SUGCT: variants seen among roughly 807,000 people sequenced by gnomAD.
The protein encoded by SUGCT is succinyl-CoA:glutarate CoA-transferase.
Under a neutral mutation model 55.0 loss-of-function variants are expected in SUGCT, and 41 were observed. The ratio of observed to expected loss-of-function variants is 0.74; its 90% CI spans 0.58 to 0.97. The LOEUF (loss-of-function observed/expected upper bound fraction) is 0.97. Ranked by LOEUF, SUGCT falls within the 50% of genes least tolerant of loss-of-function variation. The probability of loss-of-function intolerance (pLI) is 0.00; values close to 1 mark genes in which losing one functional copy is unlikely to be tolerated. For missense variants in SUGCT, 568 were observed against 547.8 expected, an observed-to-expected ratio of 1.04 and a Z score of -0.37; for synonymous variants, 187 against 200.4, an observed-to-expected ratio of 0.93 and a Z score of 0.56.
At chr7:40,532,485 G>A (rs1034022041) in intron 12 of SUGCT, among the ~76,000 whole-genome samples, 1 of 151,382 alleles carries the variant, frequency 6.6e-6, no homozygotes, top group Non-Finnish European at 1.5e-5. Context: ...GAAGGATTAA[G>A]AATCACTTCA....
rs111814148 is a variant in SUGCT at position 40,635,076 on chromosome 7, A to G, written c.1090-114358A>G. On this transcript the variant is annotated intron_variant, in intron 12 of 13. Transcript: ENST00000335693. ...CGAGGCAGGTGGATCACTTAAGGCC[A>G]AGAGTTCAAGATCAGCCTGGCCAAC... Among the ~76,000 whole-genome samples, 682 of 152,258 alleles carry G rather than the reference A, an allele frequency of 4.5e-3. 5 individuals are homozygous for G. The highest frequency in any genetic ancestry group is 0.015 in the African/African-American group (617 of 41,540).
chr7:40,663,976 A>C (rs1243561668), intron 12 of SUGCT, among the ~76,000 whole-genome samples: 1 of 152,024 alleles, frequency 6.6e-6, no homozygotes, highest in African/African-American at 2.4e-5. Flanking sequence ...CACTGGGGGG[A>C]GGGCCTAATC....
intron 9 of SUGCT, among the ~76,000 whole-genome samples, chr7:40,392,382 G>T (rs1785487562): frequency 6.6e-6 from 1 of 152,158 alleles, no homozygotes; most frequent in African/African-American, 2.4e-5. Context: ...GAGGTGGACA[G>T]GTAAGCAAGC....
rs566277579 is a variant in SUGCT at position 40,617,086 on chromosome 7, T to C, written c.1089+120700T>C. Among the ~76,000 whole-genome samples the C allele has an allele frequency of 2.2e-4, 34 of 152,192 alleles. No homozygotes were observed. In the South Asian group the frequency reaches 7.0e-3, roughly 32 times the overall value. ...ACTTTATTTATTAATCTTTTTCTTC[T>C]TGTTTAATATTTGAAAAAAAAAATC... On this transcript the variant is annotated intron_variant, in intron 12 of 13. Coordinates refer to ENST00000335693, the MANE Select transcript of SUGCT (RefSeq NM_001193313.2).
intron 11 of SUGCT, among the ~76,000 whole-genome samples, chr7:40,474,840 G>A (rs1360060091): frequency 6.6e-6 from 1 of 152,148 alleles, no homozygotes; most frequent in East Asian, 1.9e-4. Context: ...GGGATAATGA[G>A]CTTATAATAG....
At chr7:40,990,453 A>G in the SUGCT span, among the ~76,000 whole-genome samples, 1 of 152,250 alleles carries the variant, frequency 6.6e-6, no homozygotes, top group Non-Finnish European at 1.5e-5. Flanking sequence ...TTGCATTTAT[A>G]GAGTACAGGC....
intron 7 of SUGCT, among the ~76,000 whole-genome samples, chr7:40,252,966 G>A (rs1790537707): frequency 6.6e-6 from 1 of 152,178 alleles, no homozygotes; most frequent in African/African-American, 2.4e-5. Context: ...TAAAGCTAAT[G>A]AATATTATAA....
chr7:41,005,176 T>G, the SUGCT span, among the ~76,000 whole-genome samples: 1 of 152,210 alleles, frequency 6.6e-6, no homozygotes, highest in South Asian at 2.1e-4. Flanking sequence ...AAGGAATTAT[T>G]TTTTTAATTT....
chr7:40,145,852 T>C (rs917367557), intron 1 of SUGCT, among the ~76,000 whole-genome samples: 1 of 152,240 alleles, frequency 6.6e-6, no homozygotes, highest in Non-Finnish European at 1.5e-5. Context: ...TGTTAGAGTT[T>C]CCTTATCCCT....
chr7:40,467,368 G>A (rs1048175253), intron 11 of SUGCT, among the ~76,000 whole-genome samples: 1 of 151,976 alleles, frequency 6.6e-6, no homozygotes, highest in Non-Finnish European at 1.5e-5. Flanking sequence ...TTTGATACAG[G>A]CATGCAATGT....
At position 40,289,269 on chromosome 7, in the gene SUGCT, A is replaced by G. The variant is rs80244339; in HGVS notation, c.720+14613A>G. On this transcript the variant is annotated intron_variant, in intron 8 of 13. Coordinates refer to ENST00000335693, the MANE Select transcript of SUGCT (RefSeq NM_001193313.2). ...AGGCGAGAGTATCAGAATCATTACAATAGTCTCTCCTTACCTGTGGGGGAT... is the reference window on the plus strand; with the variant it reads ...AGGCGAGAGTATCAGAATCATTACAGTAGTCTCTCCTTACCTGTGGGGGAT... 1.5e-3 allele frequency among the ~76,000 whole-genome samples: 228 copies of G among 152,256 alleles called. 1 individual carries two copies. The East Asian group carries it at 0.033, about 22-fold the overall frequency.
Position 40,851,507 on chromosome 7 carries a change from G to A in SUGCT, c.1154-8809G>A, listed in dbSNP as rs560446163. Among the ~76,000 whole-genome samples the A allele has an allele frequency of 7.9e-5, 12 of 152,292 alleles. No homozygotes were observed. The East Asian group carries it at 2.3e-3, about 29-fold the overall frequency. On this transcript the variant is annotated intron_variant, in intron 13 of 13. Coordinates refer to ENST00000335693, the MANE Select transcript of SUGCT (RefSeq NM_001193313.2). ...CTGCATTTTGTCTACTGCCAGCTCT[G>A]TAATTCTGGCTTCCATGAAGTTGAT... is the stretch of plus-strand genomic sequence containing the variant.
intron 1 of SUGCT, among the ~76,000 whole-genome samples, chr7:40,136,401 C>T (rs1214556377): frequency 6.6e-6 from 1 of 152,184 alleles, no homozygotes; most frequent in South Asian, 2.1e-4. Flanking sequence ...TGCTACTCCT[C>T]GCTGTCTCTT....
intron 12 of SUGCT, among the ~76,000 whole-genome samples, chr7:40,508,330 G>C (rs1792725267): frequency 6.6e-6 from 1 of 152,198 alleles, no homozygotes; most frequent in Non-Finnish European, 1.5e-5. Context: ...CCCTATGTGT[G>C]GGGATGGGAT....
the SUGCT span, among the ~76,000 whole-genome samples, chr7:40,996,963 A>C: frequency 1.3e-5 from 2 of 152,174 alleles, no homozygotes; most frequent in Non-Finnish European, 2.9e-5. Flanking sequence ...TAAAACCCCA[A>C]ACTGAAGCGA....
At chr7:40,726,393 G>A (rs1786612248) in intron 12 of SUGCT, among the ~76,000 whole-genome samples, 1 of 151,984 alleles carries the variant, frequency 6.6e-6, no homozygotes, top group Admixed American at 6.6e-5. Context: ...TATCATAAAG[G>A]TTTTCATTTT....
chr7:40,691,452 C>G (rs1224868625), intron 12 of SUGCT, among the ~76,000 whole-genome samples: 1 of 152,044 alleles, frequency 6.6e-6, no homozygotes, highest in African/African-American at 2.4e-5. Context: ...TCAGCATGAT[C>G]AATAATTCTT....
At chr7:40,225,401 A>G (rs902647751) in intron 6 of SUGCT, among the ~76,000 whole-genome samples, 38 of 151,440 alleles carry the variant, frequency 2.5e-4, no homozygotes, top group African/African-American at 8.0e-4. Flanking sequence ...AGTAAACCAT[A>G]TTAATCAGAT....
chr7:40,638,767 G>A (rs1358782444), intron 12 of SUGCT, among the ~76,000 whole-genome samples: 1 of 152,146 alleles, frequency 6.6e-6, no homozygotes, highest in Admixed American at 6.5e-5. Context: ...TTGCCTTCTG[G>A]AGGTGTGATG....
Sources: allele counts gnomAD v4.1 joint callset (sites outside exome capture counted in the v4.1 genomes callset), GRCh38; gene constraint gnomAD v4.1.1; transcripts MANE v1.5; gene names NCBI Gene and HGNC (gene_info 2026-07-23, HGNC 2026-07-21).